CLCA4: variants seen among roughly 807,000 people sequenced by gnomAD.
The protein encoded by CLCA4 is calcium-activated chloride channel regulator 4.
In CLCA4, 69 loss-of-function variants were observed where a neutral mutation model predicts 78.9. The ratio of observed to expected loss-of-function variants is 0.87; its 90% CI spans 0.72 to 1.07. The LOEUF is 1.07. Among genes scored for constraint, CLCA4 ranks in the 50% least tolerant of loss-of-function variants. The probability of loss-of-function intolerance (pLI) is 0.00; values close to 1 mark genes in which losing one functional copy is unlikely to be tolerated. For synonymous variants in CLCA4, 362 were observed against 375.8 expected (o/e 0.96, Z 0.42); for missense variants, 1,133 against 1,095.8 (o/e 1.03, Z -0.48).
chr1:86,570,979 A>C (rs1650333180), intron 7 of CLCA4, 98 bp from the exon 8 acceptor site: 2 of 844,448 alleles, frequency 2.4e-6, no homozygotes, highest in Middle Eastern at 2.3e-4. Flanking sequence ...ATTCTGCATA[A>C]CTTTGTTTAT....
At chr1:86,578,122 G>A in intron 12 of CLCA4, 50 bp downstream of exon 12, 1 of 1,505,654 alleles carries the variant, frequency 6.6e-7, no homozygotes, top group Non-Finnish European at 9.0e-7. Flanking sequence ...AACAATATTA[G>A]TGATTTGATA....
In CLCA4 at chr1:86,579,602, T is replaced by A; in HGVS notation, c.2356+15T>A. The A allele has an allele frequency of 1.3e-6, 2 of 1,597,386 alleles. No individual in the cohort carries two copies. Among genetic ancestry groups the A allele is most frequent in the Non-Finnish European group, 1.7e-6 (2 of 1,166,474 alleles). ...TGTTGGAAAAGGTAAGGATGAAGTG[T>A]CATGTGATTTTGACTTAAGTAAAAG... On this transcript the variant is annotated intron_variant, in intron 13 of 13. Coordinates refer to ENST00000370563, the MANE Select transcript of CLCA4 (RefSeq NM_012128.4).
intron 1 of CLCA4, among the ~76,000 whole-genome samples, chr1:86,553,941 A>G (rs552918053): frequency 2.9e-4 from 44 of 152,310 alleles, no homozygotes; most frequent in Admixed American, 1.6e-3. Flanking sequence ...GTCCAAAAAA[A>G]AAAGTTTGTG....
intron 1 of CLCA4, among the ~76,000 whole-genome samples, chr1:86,554,508 G>C (rs752903546): frequency 1.5e-4 from 23 of 152,206 alleles, no homozygotes; most frequent in Middle Eastern, 3.4e-3. Context: ...GAAGTGATCT[G>C]CCCACCGCGG....
At chr1:86,577,880 A>C in intron 11 of CLCA4, 22 bp from the exon 12 acceptor site, 33 of 1,553,296 alleles carry the variant, frequency 2.1e-5, no homozygotes, top group Non-Finnish European at 2.6e-5. Context: ...ACAAGACTTT[A>C]TTCCTTCATT....
At chr1:86,572,228 A>G (rs1650370967) in intron 8 of CLCA4, among the ~76,000 whole-genome samples, 1 of 151,414 alleles carries the variant, frequency 6.6e-6, no homozygotes, top group Non-Finnish European at 1.5e-5. Flanking sequence ...AAAGATTAAC[A>G]ATCTTTTAAC....
intron 1 of CLCA4, chr1:86,553,048 A>G (rs1649713185): frequency 3.1e-6 from 2 of 652,256 alleles, no homozygotes; most frequent in Non-Finnish European, 5.5e-6. Context: ...CGCGCGGCAC[A>G]GAATCTCCAT....
chr1:86,562,124 T>A (rs1187183572), intron 3 of CLCA4, among the ~76,000 whole-genome samples: 1 of 151,966 alleles, frequency 6.6e-6, no homozygotes, highest in Non-Finnish European at 1.5e-5. Context: ...GAGAGAAATG[T>A]TACTAGAAAT....
rs1205046584 is a variant in CLCA4 at position 86,571,167 on chromosome 1, G to A, written c.1273G>A (p.Glu425Lys). ...EDNTASSCID[E>K]VKQSGAIVHF... ...TAACACTGCAAGTTCTTGTATTGAT[G>A]AAGTGAAACAAAGTGGGGCCATTGT... Residue 425 changes from glutamate to lysine, a missense_variant, in exon 8 of 14, where the codon GAA becomes AAA. Coordinates refer to ENST00000370563, the MANE Select transcript of CLCA4 (RefSeq NM_012128.4). The A allele has an allele frequency of 1.2e-6, 2 of 1,612,906 alleles. No homozygotes were observed. Among genetic ancestry groups the A allele is most frequent in the Admixed American group, 3.3e-5 (2 of 59,918 alleles).
intron 8 of CLCA4, among the ~76,000 whole-genome samples, chr1:86,571,884 T>C (rs1053767537): frequency 6.6e-6 from 1 of 152,034 alleles, no homozygotes. Flanking sequence ...TTAAACATAG[T>C]AGAGAATATA....
chr1:86,555,017 C>T (rs1357106577), intron 1 of CLCA4, among the ~76,000 whole-genome samples: 11 of 151,888 alleles, frequency 7.2e-5, no homozygotes, highest in Non-Finnish European at 1.5e-4. Flanking sequence ...TTTTGAAATG[C>T]ATCTGTTCAT....
intron 1 of CLCA4, among the ~76,000 whole-genome samples, chr1:86,554,065 G>A (rs1395720399): frequency 6.6e-6 from 1 of 152,110 alleles, no homozygotes; most frequent in Non-Finnish European, 1.5e-5. Context: ...ATGGGGGTTT[G>A]TTGTACAGAT....
Position 86,575,417 on chromosome 1 carries a change from C to T in CLCA4, c.1769C>T (p.Ser590Phe). The T allele has an allele frequency of 6.2e-7, 1 of 1,613,462 alleles. No individual in the cohort carries two copies. Among genetic ancestry groups the T allele is most frequent in the Non-Finnish European group, 8.5e-7 (1 of 1,179,578 alleles). The change falls in exon 11 of 14, where the codon TCT (serine) becomes TTT (phenylalanine). Residue 590 changes from serine to phenylalanine, a missense_variant. Ser to Phe is a radical substitution (Grantham distance 155). Coordinates refer to ENST00000370563, the MANE Select transcript of CLCA4 (RefSeq NM_012128.4). Reference protein sequence around the residue: ...ITVTSRAANSSVPPITVNAKM... With the variant: ...ITVTSRAANSFVPPITVNAKM... ...GTAACTTCTCGAGCAGCAAATTCTT[C>T]TGTGCCTCCAATCACAGTGAATGCT...
Position 86,566,027 on chromosome 1 carries a change from T to C in CLCA4, c.954+7T>C, listed in dbSNP as rs756705925. 26 of 1,607,946 alleles carry C rather than the reference T, an allele frequency of 1.6e-5. 1 individual carries two copies. The highest frequency in any genetic ancestry group is 2.2e-5 in the Non-Finnish European group (26 of 1,175,498). ...TAAGTCTGGAAGCATGGGGGTAAGA[T>C]CACTTTTTCTGGATATAGGGATGTA... On this transcript the variant is annotated splice_region_variant and intron_variant, in intron 6 of 13. Coordinates refer to ENST00000370563, the MANE Select transcript of CLCA4 (RefSeq NM_012128.4).
intron 1 of CLCA4, among the ~76,000 whole-genome samples, chr1:86,552,261 T>TA (rs201939912): frequency 0.012 from 1,820 of 152,222 alleles, 42 homozygotes; most frequent in African/African-American, 0.042. Flanking sequence ...AACTGAATTG[T>TA]AAAAAAATCA....
At chr1:86,547,358 T>C in intron 1 of CLCA4, 80 bp downstream of exon 1, 1 of 1,115,878 alleles carries the variant, frequency 9.0e-7, no homozygotes, top group African/African-American at 1.6e-5. Flanking sequence ...TGTACATATT[T>C]ATGGCATACA....
chr1:86,554,567 G>A (rs1009342736), intron 1 of CLCA4, among the ~76,000 whole-genome samples: 9 of 152,188 alleles, frequency 5.9e-5, no homozygotes, highest in African/African-American at 2.2e-4. Context: ...GCCCGGCCCT[G>A]TACCACAATT....
rs766284120 is a variant in CLCA4, at chr1:86,572,696, T to C, written c.1443T>C (p.Thr481=). The change falls in exon 9 of 14, where the codon ACT becomes ACC. Residue 481 remains threonine (T), a synonymous_variant. Coordinates refer to ENST00000370563, the MANE Select transcript of CLCA4 (RefSeq NM_012128.4). ...DAFGALTSGN[T]DLSQKSLQLE... ...TTGGGGCTCTTACATCAGGAAATAC[T>C]GATCTCTCCCAGAAGTCCCTTCAGG... 2.5e-6 allele frequency: 4 copies of C among 1,599,314 alleles called. No individual in the cohort carries two copies. The Admixed American group carries it at 6.7e-5, about 27-fold the overall frequency.
chr1:86,563,538 T>G (rs1232042996), intron 3 of CLCA4, 123 bp from the exon 4 acceptor site: 5 of 508,650 alleles, frequency 9.8e-6, no homozygotes, highest in Non-Finnish European at 1.8e-5. Flanking sequence ...GAAATATAAA[T>G]GTTGATAGTT....
Sources: gnomAD v4.1 joint callset for allele counts (sites outside exome capture counted in the v4.1 genomes callset) on GRCh38, gnomAD v4.1.1 for gene constraint, MANE v1.5 for transcripts, NCBI Gene and HGNC (gene_info 2026-07-23, HGNC 2026-07-21) for gene names.